Variants in WTAP observed in about 807,000 individuals in gnomAD.
WTAP encodes the protein WT1 associated protein.
In WTAP, 8 loss-of-function variants were observed where a neutral mutation model predicts 50.0. The observed-to-expected ratio is 0.16, with a 90% CI of 0.09 to 0.29. WTAP has a LOEUF of 0.29. Among genes scored for constraint, WTAP ranks in the 10% least tolerant of loss-of-function variants. The pLI is 1.00. For synonymous variants in WTAP, 194 were observed against 169.0 expected (o/e 1.15, Z -1.15); for missense variants, 295 against 470.7 (o/e 0.63, Z 3.45).
rs904982613 is a variant in WTAP, at chr6:159,755,443, T to C, written c.1023T>C (p.Ser341=). The change falls in exon 8 of 8, where the codon TCT becomes TCC. Residue 341 remains serine (S), a synonymous_variant. Transcript: ENST00000621533. The stretch of plus-strand genomic sequence containing the variant: ...GTGCGGGGTATGAAAGTGTAGACTC[T>C]CCCACGGGCAGTGAAAACTCTCTCA... The part of the protein sequence containing the change: ...QLSAGYESVD[S]PTGSENSLTH... 6.2e-7 allele frequency: 1 copy of C among 1,613,960 alleles called. No homozygotes were observed. Among genetic ancestry groups the C allele is most frequent in the African/African-American group, 1.3e-5 (1 of 74,920 alleles).
chr6:159,755,361 C>T lies in WTAP; in HGVS notation c.941C>T (p.Ser314Phe), dbSNP rs771489657. 3 of 1,614,080 alleles carry T rather than the reference C, an allele frequency of 1.9e-6. No homozygotes were observed. The highest frequency in any genetic ancestry group is 3.3e-5 in the Admixed American group (2 of 60,000). ...TCTCCAGGGAATGGTAATAAGTCCT[C>T]CAACAGCTCAGAGGAGAGAACTGGC... ...PSSPGNGNKS[S>F]NSSEERTGRG... Residue 314 changes from serine (S) to phenylalanine (F), a missense_variant, in exon 8 of 8, where the codon TCC (serine) becomes TTC (phenylalanine). Ser to Phe is a radical substitution (Grantham distance 155, BLOSUM62 -2). Around this residue, in one of 2 missense-constraint regions of WTAP, gnomAD observed 175 missense variants for 183.1 expected, o/e 0.96. Coordinates refer to ENST00000621533, the MANE Select transcript of WTAP (RefSeq NM_001270531.2).
chr6:159,748,125 T>C lies in WTAP; in HGVS notation c.274-66T>C, dbSNP rs575760274. 2.9e-5 allele frequency: 44 copies of C among 1,518,350 alleles called. No homozygotes were observed. The African/African-American group carries it at 5.3e-4, about 18-fold the overall frequency. The allele number at this position is 1,518,350 out of a possible 1,614,324, so 94.1% of individuals were successfully genotyped here. A position where few individuals can be genotyped will look rare whatever the true frequency, so the allele number is the denominator to read the frequency against. ...TGGTAAATCAAGTGAATGGAGGGAG[T>C]TTTCCCCACCTTCTTATGTATGTTT... On this transcript the variant is annotated intron_variant, in intron 5 of 7. Coordinates refer to ENST00000621533, the MANE Select transcript of WTAP (RefSeq NM_001270531.2). The surrounding 1 kb of genome is among the most constrained non-coding windows in gnomAD (Gnocchi z 5.6).
chr6:159,740,563 A>G (rs977491829), intron 3 of WTAP, among the ~76,000 whole-genome samples: 1 of 152,156 alleles, frequency 6.6e-6, no homozygotes, highest in East Asian at 1.9e-4. Flanking sequence ...ATCTTTCTCT[A>G]TACATCCCCA....
At chr6:159,728,278 T>C (rs553058540) in intron 1 of WTAP, among the ~76,000 whole-genome samples, 64 of 152,346 alleles carry the variant, frequency 4.2e-4, no homozygotes, top group African/African-American at 1.5e-3. Context: ...GATTTTTTTT[T>C]CACCGTTTTT....
At chr6:159,728,046 C>G (rs1778320246) in intron 1 of WTAP, among the ~76,000 whole-genome samples, 1 of 152,202 alleles carries the variant, frequency 6.6e-6, no homozygotes, top group Non-Finnish European at 1.5e-5. Flanking sequence ...CCCTTCACCT[C>G]CCTTGGGCCT....
At position 159,727,512 on chromosome 6, in the gene WTAP, C is replaced by T. The variant is rs921170610; in HGVS notation, c.-200C>T. 3 of 992,788 alleles carry T rather than the reference C, an allele frequency of 3.0e-6. No homozygotes were observed. Among genetic ancestry groups the T allele is most frequent in the Admixed American group, 6.2e-5 (1 of 16,188 alleles). The allele number at this position is 992,788 out of a possible 1,614,324, so 61.5% of individuals were successfully genotyped here. A position where few individuals can be genotyped will look rare whatever the true frequency, so the allele number is the denominator to read the frequency against. On this transcript the variant is annotated 5_prime_UTR_variant, in exon 1 of 8. Coordinates refer to ENST00000621533, the MANE Select transcript of WTAP (RefSeq NM_001270531.2). ...GGCGGCGGGGCCTGGTTTCCTCCCT[C>T]AGCGCCATTTTGTGGCAGCGAGACC...
chr6:159,741,312 T>G (rs1309080230), intron 3 of WTAP, among the ~76,000 whole-genome samples: 1 of 152,204 alleles, frequency 6.6e-6, no homozygotes, highest in Non-Finnish European at 1.5e-5. Flanking sequence ...TAGATGTGAT[T>G]GTTAAATTAC....
intron 1 of WTAP, among the ~76,000 whole-genome samples, chr6:159,733,936 GAGAA>G: frequency 6.6e-6 from 1 of 152,254 alleles, no homozygotes; most frequent in Non-Finnish European, 1.5e-5. Flanking sequence ...AGATTAAACA[GAGAA>G]AGAAGCAAGC....
intron 2 of WTAP, among the ~76,000 whole-genome samples, chr6:159,737,859 T>C (rs1169623156): frequency 6.6e-6 from 1 of 152,238 alleles, no homozygotes; most frequent in Non-Finnish European, 1.5e-5. Context: ...GTGAATATAC[T>C]GTTTCTCAAT....
intron 3 of WTAP, among the ~76,000 whole-genome samples, chr6:159,739,549 C>T (rs1779117618): frequency 1.3e-5 from 2 of 152,120 alleles, no homozygotes; most frequent in South Asian, 2.1e-4. Context: ...TTGTCAAGTA[C>T]AACGTATAAT....
chr6:159,743,902 T>C (rs1779408330), intron 5 of WTAP, 110 bp downstream of exon 5: 1 of 1,170,536 alleles, frequency 8.5e-7, no homozygotes, highest in South Asian at 2.3e-5. Context: ...GCTTATCTTT[T>C]ATAGGTACGT....
chr6:159,737,849 G>A (rs773496089), intron 2 of WTAP, among the ~76,000 whole-genome samples: 2 of 152,212 alleles, frequency 1.3e-5, no homozygotes, highest in Non-Finnish European at 2.9e-5. Context: ...ATTTGGTGTA[G>A]TGAATATACT....
At chr6:159,740,160 CCT>C (rs1779165948) in intron 3 of WTAP, among the ~76,000 whole-genome samples, 1 of 151,354 alleles carries the variant, frequency 6.6e-6, no homozygotes, top group South Asian at 2.1e-4. Context: ...TTTTTTTTTC[CCT>C]GTCTCTGGCA....
Position 159,755,327 on chromosome 6 carries a change from T to C in WTAP, c.907T>C (p.Phe303Leu). 1 of 1,614,250 alleles carries C rather than the reference T, an allele frequency of 6.2e-7. No individual in the cohort carries two copies. Among genetic ancestry groups the C allele is most frequent in the Non-Finnish European group, 8.5e-7 (1 of 1,180,040 alleles). Residue 303 changes from phenylalanine to leucine, a missense_variant, in exon 8 of 8, where the codon TTT becomes CTT. By Grantham distance (22) the Phe-to-Leu change is conservative. This residue lies in a region of WTAP where 175 missense variants were observed against 183.1 expected (regional missense o/e 0.96). Transcript: ENST00000621533. ...GGAGGGCAACACAACCGAAGATGACTTTCCTTCTTCTCCAGGGAATGGTAA... is the reference window on the plus strand; with the variant it reads ...GGAGGGCAACACAACCGAAGATGACCTTCCTTCTTCTCCAGGGAATGGTAA... ...HREGNTTEDD[F>L]PSSPGNGNKS...
At chr6:159,729,419 CATTGTGT>C (rs1778428749) in intron 1 of WTAP, among the ~76,000 whole-genome samples, 1 of 152,158 alleles carries the variant, frequency 6.6e-6, no homozygotes, top group African/African-American at 2.4e-5. Flanking sequence ...TAGTAAACTT[CATTGTGT>C]ATTGTGTATA....
intron 1 of WTAP, among the ~76,000 whole-genome samples, chr6:159,729,500 T>G (rs1309698904): frequency 9.9e-5 from 15 of 152,254 alleles, no homozygotes; most frequent in Admixed American, 8.5e-4. Flanking sequence ...AAGATGTAGT[T>G]AATAGAATTT....
At chr6:159,737,595 G>C (rs138215315) in intron 2 of WTAP, among the ~76,000 whole-genome samples, 1 of 151,884 alleles carries the variant, frequency 6.6e-6, no homozygotes, top group Non-Finnish European at 1.5e-5. Context: ...CAGCTTATGC[G>C]ATCCTCCCAC....
rs771401662 is a variant in WTAP at position 159,755,271 on chromosome 6, G to A, written c.851G>A (p.Arg284His). ...TNGPSNGSSS[R>H]QRTSGSGFHR... is the part of the protein sequence containing the mutation. ...GGACCAAGTAATGGTAGCTCCTCCC[G>A]CCAGAGGACGTCTGGGTCTGGATTT... The change falls in exon 8 of 8, where the codon CGC becomes CAC. Residue 284 changes from arginine to histidine, a missense_variant. By Grantham distance (29) the Arg-to-His change is conservative. Around this residue, in one of 2 missense-constraint regions of WTAP, gnomAD observed 175 missense variants for 183.1 expected, o/e 0.96. Transcript: ENST00000621533. 13 of 1,614,170 alleles carry A rather than the reference G, an allele frequency of 8.1e-6. No homozygotes were observed. The highest frequency in any genetic ancestry group is 4.4e-5 in the South Asian group (4 of 91,078).
rs896216496 is a variant in WTAP at position 159,748,640 on chromosome 6, T to C, written c.452+271T>C. On this transcript the variant is annotated intron_variant, in intron 6 of 7. Coordinates refer to ENST00000621533, the MANE Select transcript of WTAP (RefSeq NM_001270531.2). The surrounding 1 kb of genome is among the most constrained non-coding windows in gnomAD (Gnocchi z 5.6). The stretch of plus-strand genomic sequence containing the variant: ...GAAGAAGTGGCCACCTCCGAAAAAT[T>C]CCCCTTCTAGAACATGTAGACACTT... 2.8e-5 allele frequency: 36 copies of C among 1,287,120 alleles called. No individual in the cohort carries two copies. In the African/African-American group the frequency reaches 4.5e-4, roughly 16 times the overall value. The allele number at this position is 1,287,120 out of a possible 1,614,324, so 79.7% of individuals were successfully genotyped here. A position where few individuals can be genotyped will look rare whatever the true frequency, so the allele number is the denominator to read the frequency against.
Sources: allele counts gnomAD v4.1 joint callset (sites outside exome capture counted in the v4.1 genomes callset), GRCh38; gene constraint gnomAD v4.1.1; regional missense constraint gnomAD v4.1.1; non-coding constraint Gnocchi (gnomAD v3.1); transcripts MANE v1.5; gene names NCBI Gene and HGNC (gene_info 2026-07-23, HGNC 2026-07-21).